Variants in STAT5B observed in about 807,000 individuals in gnomAD.
The protein encoded by STAT5B is transcription factor STAT5B.
In STAT5B, 21 loss-of-function variants were observed where a neutral mutation model predicts 107.8. That is an observed-to-expected ratio of 0.19 (90% CI 0.14 to 0.28). The LOEUF (loss-of-function observed/expected upper bound fraction) is 0.28, where lower values mean the gene tolerates loss of function less well. Among genes scored for constraint, STAT5B ranks in the 10% least tolerant of loss-of-function variants. The pLI is 1.00. For missense variants in STAT5B, 565 were observed against 1,008.2 expected (o/e 0.56, Z 5.95); for synonymous variants, 325 against 401.7 (o/e 0.81, Z 2.28).
chr17:42,256,048 T>C (rs960398652), intron 1 of STAT5B, among the ~76,000 whole-genome samples: 2 of 152,172 alleles, frequency 1.3e-5, no homozygotes, highest in African/African-American at 4.8e-5. Context: ...ACCTCCAGCC[T>C]GGGTGACACA....
intron 1 of STAT5B, among the ~76,000 whole-genome samples, chr17:42,254,330 T>C (rs577999769): frequency 2.0e-5 from 3 of 152,212 alleles, no homozygotes; most frequent in Non-Finnish European, 4.4e-5. Flanking sequence ...CAGTGAGCCA[T>C]GACTGCACCA....
intron 13 of STAT5B, 80 bp downstream of exon 13, chr17:42,211,904 G>C (rs2080132670): frequency 2.6e-6 from 4 of 1,545,242 alleles, no homozygotes; most frequent in African/African-American, 2.7e-5. Flanking sequence ...TGAAGAATAA[G>C]GGCCCAGGGC....
intron 3 of STAT5B, 67 bp downstream of exon 3, chr17:42,227,462 A>G: frequency 1.2e-6 from 2 of 1,606,960 alleles, no homozygotes; most frequent in Non-Finnish European, 1.7e-6. Context: ...GGAGAGAAAG[A>G]AAGTCTCTAC....
At chr17:42,226,138 T>C (rs1326877338) in intron 3 of STAT5B, among the ~76,000 whole-genome samples, 15 of 152,072 alleles carry the variant, frequency 9.9e-5, no homozygotes, top group African/African-American at 3.6e-4. Context: ...TTTCACCATG[T>C]TGGCCAGGCT....
intron 1 of STAT5B, among the ~76,000 whole-genome samples, chr17:42,267,162 T>C (rs976262240): frequency 1.3e-5 from 2 of 152,200 alleles, no homozygotes; most frequent in African/African-American, 2.4e-5. Flanking sequence ...CTGCCAGTCA[T>C]GTGAAAGTCT....
Position 42,218,679 on chromosome 17 carries a change from G to T in STAT5B, c.989+44C>A, listed in dbSNP as rs549722309. On this transcript the variant is annotated intron_variant, in intron 8 of 18. Transcript: ENST00000293328. ...CCTGCGGCTCCCCCCACGCAGGCAG[G>T]AGCTGCCCCAAGCTCCTGGGCATGG... 13 of 1,611,942 alleles carry T rather than the reference G, an allele frequency of 8.1e-6. No individual in the cohort carries two copies. The African/African-American group carries it at 1.5e-4, about 18-fold the overall frequency.
At chr17:42,217,136 C>T (rs370857636) in intron 11 of STAT5B, 24 bp downstream of exon 11, 24 of 1,603,696 alleles carry the variant, frequency 1.5e-5, no homozygotes, top group African/African-American at 9.5e-5. Flanking sequence ...CACACGCACA[C>T]GCAGAGCTGA....
intron 1 of STAT5B, among the ~76,000 whole-genome samples, chr17:42,251,446 C>A: frequency 6.6e-6 from 1 of 152,180 alleles, no homozygotes; most frequent in Non-Finnish European, 1.5e-5. Flanking sequence ...CACAGAACAT[C>A]TGAAACTTAG....
chr17:42,241,952 C>T (rs2080407284), intron 1 of STAT5B, among the ~76,000 whole-genome samples: 1 of 151,862 alleles, frequency 6.6e-6, no homozygotes. Flanking sequence ...TAAAAAATCA[C>T]ATTATTAAAC....
intron 12 of STAT5B, chr17:42,214,331 C>A: frequency 1.0e-6 from 1 of 985,224 alleles, no homozygotes; most frequent in African/African-American, 1.7e-5. Context: ...GCAATCTTAT[C>A]TAGGAGGCTT....
chr17:42,217,721 T>G, intron 9 of STAT5B: 1 of 507,814 alleles, frequency 2.0e-6, no homozygotes, highest in Non-Finnish European at 3.5e-6. Context: ...GGAGTTTTGC[T>G]CTTGTTGCCC....
At chr17:42,249,785 T>A (rs574723197) in intron 1 of STAT5B, among the ~76,000 whole-genome samples, 6 of 152,228 alleles carry the variant, frequency 3.9e-5, no homozygotes, top group Non-Finnish European at 7.4e-5. Flanking sequence ...CTCAGTCTCC[T>A]GAGTAGCTGG....
intron 1 of STAT5B, chr17:42,271,860 C>A (rs926485496): frequency 2.0e-5 from 3 of 152,134 alleles, no homozygotes; most frequent in African/African-American, 7.2e-5. Context: ...AGTCAAGATA[C>A]TCCAAGTATT....
In STAT5B at chr17:42,258,615, GT is replaced by G. The variant is rs565904657; in HGVS notation, c.-11+17632del. ...AATCACTTGAACCTGGGAGACGGAG[GT>G]TGCAGTGATCTGAGATCACGCCATT... On this transcript the variant is annotated intron_variant, in intron 1 of 18. Transcript: ENST00000293328. Among the ~76,000 whole-genome samples the G allele has an allele frequency of 4.5e-3, 682 of 152,342 alleles. 5 individuals carry two copies. The highest frequency in any genetic ancestry group is 0.016 in the African/African-American group (653 of 41,582).
intron 3 of STAT5B, among the ~76,000 whole-genome samples, chr17:42,226,517 GCA>G (rs796817468): frequency 9.9e-5 from 15 of 152,150 alleles, no homozygotes; most frequent in African/African-American, 3.6e-4. Context: ...CTTAGAAAAT[GCA>G]CAGAGGGGCT....
chr17:42,288,197 C>T, the STAT5B span: 92 of 152,366 alleles, frequency 6.0e-4, no homozygotes, highest in African/African-American at 2.1e-3. This position sits in a 1 kb window ranked among gnomAD's most constrained non-coding sequence, Gnocchi z 4.8. Context: ...CGCCCGACAA[C>T]CACATTCCCC....
upstream of STAT5B, among the ~76,000 whole-genome samples, chr17:42,278,550 C>T (rs1234137704): frequency 1.3e-5 from 2 of 151,878 alleles, no homozygotes; most frequent in Non-Finnish European, 2.9e-5. Flanking sequence ...GAGACAGTCT[C>T]ACAGAAAAAG....
At chr17:42,280,058 G>A (rs1186120383), upstream of STAT5B, among the ~76,000 whole-genome samples, 3 of 151,942 alleles carry the variant, frequency 2.0e-5, no homozygotes, top group African/African-American at 4.8e-5. Context: ...TCTAGGCCTC[G>A]GGGACATATT....
chr17:42,265,374 C>CTTTTTTTTTT (rs1275073687), intron 1 of STAT5B, among the ~76,000 whole-genome samples: 9 of 99,294 alleles, frequency 9.1e-5, no homozygotes, highest in African/African-American at 4.5e-4. Flanking sequence ...GGTATGTACT[C>CTTTTTTTTTT]TTCTTTTTTT....
Sources: allele counts gnomAD v4.1 joint callset (sites outside exome capture counted in the v4.1 genomes callset), GRCh38; gene constraint gnomAD v4.1.1; non-coding constraint Gnocchi (gnomAD v3.1); transcripts MANE v1.5; gene names NCBI Gene and HGNC (gene_info 2026-07-23, HGNC 2026-07-21).